Variants in XPR1 observed in about 807,000 individuals in gnomAD.
The protein encoded by XPR1 is solute carrier family 53 member 1.
Under a neutral mutation model 87.5 loss-of-function variants are expected in XPR1, and 28 were observed. That is an observed-to-expected ratio of 0.32 (90% CI 0.24 to 0.44). The LOEUF is 0.44. Among genes scored for constraint, XPR1 ranks in the 20% least tolerant of loss-of-function variants. XPR1 has a pLI of 1.00. For synonymous variants in XPR1, 300 were observed against 306.1 expected, an observed-to-expected ratio of 0.98 and a Z score of 0.21; for missense variants, 559 against 862.3, an observed-to-expected ratio of 0.65 and a Z score of 4.41.
intron 1 of XPR1, among the ~76,000 whole-genome samples, chr1:180,652,201 A>T (rs537942509): frequency 7.5e-4 from 114 of 152,260 alleles, no homozygotes; most frequent in African/African-American, 2.6e-3. Context: ...CTGAGGCAGG[A>T]GAATTGCATT....
At chr1:180,815,620 A>G (rs1008474942) in intron 7 of XPR1, among the ~76,000 whole-genome samples, 2 of 152,164 alleles carry the variant, frequency 1.3e-5, no homozygotes, top group African/African-American at 4.8e-5. Context: ...CACGTGTTTC[A>G]GATAATTAAT....
chr1:180,831,805 G>A (rs1034366843), intron 9 of XPR1, among the ~76,000 whole-genome samples: 7 of 152,088 alleles, frequency 4.6e-5, no homozygotes, highest in Admixed American at 6.5e-5. Context: ...ATTGTTGGGC[G>A]TTTGGGTTGG....
intron 11 of XPR1, among the ~76,000 whole-genome samples, chr1:180,843,936 G>C (rs1651596645): frequency 6.6e-6 from 1 of 152,172 alleles, no homozygotes; most frequent in African/African-American, 2.4e-5. Flanking sequence ...TAGTTGACCG[G>C]GCACAGTAGC....
intron 2 of XPR1, among the ~76,000 whole-genome samples, chr1:180,689,003 G>A (rs7556291): frequency 2.0e-4 from 31 of 151,838 alleles, no homozygotes; most frequent in African/African-American, 7.3e-4. Context: ...TCATTTTGTC[G>A]TATTCTTTTT....
chr1:180,647,248 C>T (rs1655149484), intron 1 of XPR1, among the ~76,000 whole-genome samples: 1 of 152,232 alleles, frequency 6.6e-6, no homozygotes, highest in African/African-American at 2.4e-5. Flanking sequence ...TGAAACTTCG[C>T]TTGCTCGCTT....
At position 180,793,367 on chromosome 1, in the gene XPR1, T is replaced by C. The variant is rs546734637; in HGVS notation, c.223+5513T>C. ...CACTGAATATTGTTATACCACTAAA[T>C]GTGTGCAATGAATCATGAGAATCTT... On this transcript the variant is annotated intron_variant, in intron 3 of 14. Transcript: ENST00000367590. 2.6e-5 allele frequency among the ~76,000 whole-genome samples: 4 copies of C among 152,258 alleles called. 1 individual carries two copies. The East Asian group carries it at 7.7e-4, about 29-fold the overall frequency.
rs909212297 is a variant in XPR1, at chr1:180,884,357, C to T, written c.*291C>T. 2 of 275,102 alleles carry T rather than the reference C, an allele frequency of 7.3e-6. No individual in the cohort carries two copies. The highest frequency in any genetic ancestry group is 5.3e-5 in the South Asian group (1 of 18,964). 17.0% of individuals were successfully genotyped at this position (275,102 alleles called of 1,614,324 possible). ...GTATCTTATGGATTGTTTACAATCA[C>T]AAGGACATAGATACCTATCAGGATG... is the stretch of plus-strand genomic sequence containing the variant. On this transcript the variant is annotated 3_prime_UTR_variant, in exon 15 of 15. Transcript: ENST00000367590.
chr1:180,672,051 A>G (rs1301473090), intron 1 of XPR1, among the ~76,000 whole-genome samples: 2 of 152,228 alleles, frequency 1.3e-5, no homozygotes, highest in Non-Finnish European at 2.9e-5. Context: ...CATGTGGCCA[A>G]GGATCTAAAT....
At chr1:180,645,161 A>G (rs902514640) in intron 1 of XPR1, among the ~76,000 whole-genome samples, 1 of 152,232 alleles carries the variant, frequency 6.6e-6, no homozygotes, top group Admixed American at 6.5e-5. Context: ...GATCTCAAGC[A>G]GTTGCTCTTC....
rs976176890 is a variant in XPR1 at position 180,825,124 on chromosome 1, C to T, written c.955-41C>T. The T allele has an allele frequency of 4.5e-6, 7 of 1,549,028 alleles. No individual in the cohort carries two copies. The African/African-American group carries it at 9.7e-5, about 22-fold the overall frequency. ...TAAGTAATGGTAAAAGTAAAAATAA[C>T]AATTTTTCTCTATCTTTCTGTCTTC... On this transcript the variant is annotated intron_variant, in intron 8 of 14. Coordinates refer to ENST00000367590, the MANE Select transcript of XPR1 (RefSeq NM_004736.4).
chr1:180,723,107 ATC>A (rs1421776955), intron 2 of XPR1, among the ~76,000 whole-genome samples: 1 of 152,218 alleles, frequency 6.6e-6, no homozygotes, highest in African/African-American at 2.4e-5. Flanking sequence ...ACTTACAAAT[ATC>A]TCTCTGTCCT....
chr1:180,742,036 C>T (rs1283963707), intron 2 of XPR1, among the ~76,000 whole-genome samples: 1 of 151,748 alleles, frequency 6.6e-6, no homozygotes, highest in Non-Finnish European at 1.5e-5. Flanking sequence ...TCTTTTTTCT[C>T]TGTCAGTCTT....
chr1:180,856,125 C>A (rs1244780209), intron 11 of XPR1, among the ~76,000 whole-genome samples: 1 of 152,148 alleles, frequency 6.6e-6, no homozygotes, highest in African/African-American at 2.4e-5. Flanking sequence ...AAACAGTAAT[C>A]TATCTATTCT....
intron 2 of XPR1, among the ~76,000 whole-genome samples, chr1:180,746,061 C>CTTTT (rs1319216516): frequency 1.3e-5 from 2 of 151,834 alleles, no homozygotes; most frequent in Non-Finnish European, 2.9e-5. Flanking sequence ...CTATCTGTTC[C>CTTTT]TTTTTTTTCT....
At chr1:180,704,814 G>GTTTTTTTTTTTTTT (rs567903048) in intron 2 of XPR1, among the ~76,000 whole-genome samples, 5 of 51,960 alleles carry the variant, frequency 9.6e-5, no homozygotes, top group Non-Finnish European at 1.4e-4. Flanking sequence ...ACTGTTGGTT[G>GTTTTTTTTTTTTTT]TTTTTTTTTT....
chr1:180,714,366 T>A (rs1049890894), intron 2 of XPR1, among the ~76,000 whole-genome samples: 2 of 133,410 alleles, frequency 1.5e-5, no homozygotes, highest in Non-Finnish European at 3.2e-5. Flanking sequence ...TCTCTCTCTC[T>A]CTCTCTCTCT....
chr1:180,827,817 C>T (rs913750300), intron 9 of XPR1, among the ~76,000 whole-genome samples: 7 of 151,916 alleles, frequency 4.6e-5, no homozygotes, highest in African/African-American at 1.5e-4. Flanking sequence ...TTATGTTTTT[C>T]TGATACCGCT....
intron 1 of XPR1, among the ~76,000 whole-genome samples, chr1:180,664,990 C>T (rs566571085): frequency 6.6e-6 from 1 of 152,282 alleles, no homozygotes; most frequent in East Asian, 1.9e-4. Context: ...CAGTAATGCT[C>T]ACTTGCCCAC....
At chr1:180,785,191 C>T (rs1649095298) in intron 2 of XPR1, among the ~76,000 whole-genome samples, 1 of 151,848 alleles carries the variant, frequency 6.6e-6, no homozygotes, top group Non-Finnish European at 1.5e-5. Context: ...GCTCTGTCAC[C>T]CAGGCTGGAG....
Sources: gnomAD v4.1 joint callset for allele counts (sites outside exome capture counted in the v4.1 genomes callset) on GRCh38, gnomAD v4.1.1 for gene constraint, MANE v1.5 for transcripts, NCBI Gene and HGNC (gene_info 2026-07-23, HGNC 2026-07-21) for gene names.